The following CRB1 variants were observed in gnomAD, a reference collection of about 807,000 sequenced individuals.
CRB1 encodes the protein protein crumbs homolog 1.
CRB1 carries 83 observed loss-of-function variants against 120.0 expected under a neutral mutation model. That is an observed-to-expected ratio of 0.69 (90% CI 0.58 to 0.83). The LOEUF (loss-of-function observed/expected upper bound fraction) is 0.83, where lower values mean the gene tolerates loss of function less well. CRB1 is among the 40% of genes least tolerant of loss of function. The pLI is 0.00. For missense variants in CRB1, 1,699 were observed against 1,687.6 expected (o/e 1.01, Z -0.12); for synonymous variants, 625 against 612.5 (o/e 1.02, Z -0.30).
At chr1:197,292,669 C>T (rs1432765454) in intron 1 of CRB1, among the ~76,000 whole-genome samples, 1 of 152,130 alleles carries the variant, frequency 6.6e-6, no homozygotes, top group Non-Finnish European at 1.5e-5. Context: ...CAATAAAATA[C>T]TGGCAAACCG....
chr1:197,315,060 C>T (rs1300707133), intron 1 of CRB1, among the ~76,000 whole-genome samples: 1 of 152,186 alleles, frequency 6.6e-6, no homozygotes, highest in African/African-American at 2.4e-5. Flanking sequence ...CTGCCCACAG[C>T]ACAAAAGCCA....
intron 11 of CRB1, among the ~76,000 whole-genome samples, chr1:197,451,967 C>T (rs1251203961): frequency 6.6e-6 from 1 of 152,058 alleles, no homozygotes; most frequent in Non-Finnish European, 1.5e-5. Context: ...CAATTTAATA[C>T]GGTTAAACTG....
chr1:197,355,277 C>A (rs1453718630), intron 4 of CRB1, among the ~76,000 whole-genome samples: 1 of 152,204 alleles, frequency 6.6e-6, no homozygotes, highest in Non-Finnish European at 1.5e-5. Flanking sequence ...TTGGTGCATC[C>A]ACAATCCCTT....
chr1:197,347,876 T>G (rs1433117590), intron 4 of CRB1, among the ~76,000 whole-genome samples: 3 of 152,206 alleles, frequency 2.0e-5, no homozygotes, highest in Non-Finnish European at 2.9e-5. Context: ...TAGGCATTTG[T>G]AAAGAGTTAT....
the CRB1 span, among the ~76,000 whole-genome samples, chr1:197,208,007 A>G: frequency 1.6e-4 from 25 of 151,712 alleles, no homozygotes; most frequent in African/African-American, 5.8e-4. Context: ...GTTCAATTCT[A>G]TTGCTGAGAT....
Position 197,427,502 on chromosome 1 carries a change from T to C in CRB1, c.2177T>C (p.Ile726Thr). 6.2e-7 allele frequency: 1 copy of C among 1,613,982 alleles called. No individual in the cohort carries two copies. Among genetic ancestry groups the C allele is most frequent in the Non-Finnish European group, 8.5e-7 (1 of 1,179,964 alleles). ...FGQDDSTGYV[I>T]FTLDESYGDT... ...CAGGATGACTCCACTGGTTATGTCA[T>C]CTTTACTCTTGATGAGAGCTATGGA... Residue 726 changes from isoleucine (I) to threonine (T), a missense_variant, in exon 7 of 12, where the codon ATC becomes ACC. Coordinates refer to ENST00000367400, the MANE Select transcript of CRB1 (RefSeq NM_201253.3).
chr1:197,279,081 G>A (rs1040741653), intron 1 of CRB1, among the ~76,000 whole-genome samples: 5 of 151,822 alleles, frequency 3.3e-5, no homozygotes, highest in East Asian at 1.9e-4. Context: ...AGCTTGCTTC[G>A]AAATTATTAG....
At chr1:197,402,767 T>G (rs1663132660) in intron 5 of CRB1, among the ~76,000 whole-genome samples, 1 of 152,206 alleles carries the variant, frequency 6.6e-6, no homozygotes, top group African/African-American at 2.4e-5. Flanking sequence ...ACCAAGTATT[T>G]AGCTTAATGA....
At chr1:197,325,412 C>T (rs751814128) in intron 1 of CRB1, among the ~76,000 whole-genome samples, 6 of 152,082 alleles carry the variant, frequency 3.9e-5, no homozygotes, top group Non-Finnish European at 7.4e-5. Flanking sequence ...AATCGTCAGT[C>T]TTCTAGGTGA....
chr1:197,205,940 A>G, the CRB1 span, among the ~76,000 whole-genome samples: 1 of 137,846 alleles, frequency 7.3e-6, no homozygotes, highest in Non-Finnish European at 1.6e-5. Context: ...ACTACTTGTT[A>G]TTGGTCCCTT....
chr1:197,249,987 A>G, the CRB1 span, among the ~76,000 whole-genome samples: 1 of 152,030 alleles, frequency 6.6e-6, no homozygotes, highest in Non-Finnish European at 1.5e-5. Flanking sequence ...GTCAATATCT[A>G]CAAGCACCAT....
At chr1:197,284,601 A>C (rs1273508218) in intron 1 of CRB1, among the ~76,000 whole-genome samples, 1 of 151,872 alleles carries the variant, frequency 6.6e-6, no homozygotes, top group East Asian at 1.9e-4. Flanking sequence ...GTAAATATCT[A>C]ACTATTCCTC....
intron 11 of CRB1, among the ~76,000 whole-genome samples, chr1:197,466,905 C>T (rs566151175): frequency 2.6e-5 from 4 of 152,300 alleles, no homozygotes; most frequent in Admixed American, 6.5e-5. Context: ...TCCATGAACA[C>T]CCAATGTGTG....
intron 5 of CRB1, among the ~76,000 whole-genome samples, chr1:197,400,814 TA>T (rs1279391292): frequency 1.3e-5 from 2 of 152,192 alleles, no homozygotes; most frequent in African/African-American, 4.8e-5. Flanking sequence ...TATCTTTTTC[TA>T]AATTAAAGTA....
chr1:197,394,515 A>G (rs1176218241), intron 5 of CRB1, among the ~76,000 whole-genome samples: 1 of 152,062 alleles, frequency 6.6e-6, no homozygotes, highest in Non-Finnish European at 1.5e-5. Flanking sequence ...TTATATCTAC[A>G]TACCATAGAT....
At chr1:197,434,490 T>G (rs1665025323) in intron 8 of CRB1, among the ~76,000 whole-genome samples, 1 of 152,148 alleles carries the variant, frequency 6.6e-6, no homozygotes, top group Non-Finnish European at 1.5e-5. Flanking sequence ...TCTGTGAGTC[T>G]CAACTTCTTC....
At chr1:197,216,917 TAAAG>T in the CRB1 span, among the ~76,000 whole-genome samples, 2 of 151,140 alleles carry the variant, frequency 1.3e-5, no homozygotes, top group Non-Finnish European at 2.9e-5. Context: ...AAAAGTCCCA[TAAAG>T]AAAGGACATT....
intron 1 of CRB1, among the ~76,000 whole-genome samples, chr1:197,307,691 A>G (rs146788884): frequency 1.3e-5 from 2 of 152,356 alleles, no homozygotes; most frequent in African/African-American, 4.8e-5. Flanking sequence ...TGACAGGTAG[A>G]TGATTTACAG....
At chr1:197,378,172 G>A (rs185105898) in intron 5 of CRB1, among the ~76,000 whole-genome samples, 72 of 152,276 alleles carry the variant, frequency 4.7e-4, no homozygotes, top group Non-Finnish European at 9.0e-4. Flanking sequence ...ATAAAGTTAT[G>A]TATGGGCAAG....
Sources: allele counts gnomAD v4.1 joint callset (sites outside exome capture counted in the v4.1 genomes callset), GRCh38; gene constraint gnomAD v4.1.1; transcripts MANE v1.5; gene names NCBI Gene and HGNC (gene_info 2026-07-23, HGNC 2026-07-21).